MRTFA: variants seen among roughly 807,000 people sequenced by gnomAD.
The protein encoded by MRTFA is myocardin-related transcription factor A.
Under a neutral mutation model 83.5 loss-of-function variants are expected in MRTFA, and 20 were observed. The ratio of observed to expected loss-of-function variants is 0.24; its 90% confidence interval spans 0.17 to 0.35. The LOEUF is 0.35. Among genes scored for constraint, MRTFA ranks in the 10% least tolerant of loss-of-function variants. MRTFA has a pLI of 1.00. For missense variants in MRTFA, 1,200 were observed against 1,224.7 expected (o/e 0.98, Z 0.30); for synonymous variants, 659 against 541.2 (o/e 1.22, Z -3.02).
intron 4 of MRTFA, among the ~76,000 whole-genome samples, chr22:40,453,209 T>C (rs1006828382): frequency 1.3e-5 from 2 of 152,220 alleles, no homozygotes; most frequent in African/African-American, 2.4e-5. Flanking sequence ...GTTTATCAAA[T>C]GCAACTTAAA....
chr22:40,511,235 T>G (rs1339320419), intron 3 of MRTFA, among the ~76,000 whole-genome samples: 2 of 151,502 alleles, frequency 1.3e-5, no homozygotes, highest in Non-Finnish European at 2.9e-5. Flanking sequence ...AGAGGTAAAA[T>G]CTAGAGAACT....
chr22:40,526,270 T>C (rs1181807401), intron 3 of MRTFA: 3 of 152,180 alleles, frequency 2.0e-5, no homozygotes, highest in Admixed American at 1.3e-4. Flanking sequence ...TGGCTTCAAG[T>C]GATCCTCCCC....
At position 40,494,224 on chromosome 22, in the gene MRTFA, ATC is replaced by A. The variant is rs1413495882; in HGVS notation, c.242-30940_242-30939del. ...AATAAACTCAAATGCCTTTTAGTTC[ATC>A]TGACTTTAGTAATAAAGGGAGATAT... On this transcript the variant is annotated intron_variant, in intron 3 of 14. Coordinates refer to ENST00000355630, the MANE Select transcript of MRTFA (RefSeq NM_020831.6). 3.9e-5 allele frequency among the ~76,000 whole-genome samples: 6 copies of A among 152,342 alleles called. No homozygotes were observed. In the East Asian group the frequency reaches 1.2e-3, roughly 29 times the overall value.
chr22:40,565,860 A>AT (rs1358337088), intron 2 of MRTFA, among the ~76,000 whole-genome samples: 2 of 152,242 alleles, frequency 1.3e-5, no homozygotes, highest in Admixed American at 6.5e-5. Context: ...CTTATTATAA[A>AT]TGAGGCACTG....
chr22:40,418,901 C>T lies in MRTFA; in HGVS notation c.1837G>A (p.Gly613Arg), dbSNP rs149929991. ...CGCCCCTCTAGCTCCGCCCGCCCCC[C>T]AGGGCTCAGGCAACAGGACCCGGCC... The change falls in exon 12 of 15, where the codon GGG (glycine) becomes AGG (arginine). Residue 613 changes from glycine to arginine, a missense_variant. Transcript: ENST00000355630. The T allele has an allele frequency of 6.8e-6, 11 of 1,612,750 alleles. No homozygotes were observed. In the South Asian group the frequency reaches 1.1e-4, roughly 16 times the overall value.
intron 3 of MRTFA, among the ~76,000 whole-genome samples, chr22:40,546,072 A>G (rs1244111748): frequency 1.3e-5 from 2 of 152,228 alleles, no homozygotes; most frequent in African/African-American, 2.4e-5. Context: ...GAAACAGATC[A>G]AAGAAGTACA....
intron 1 of MRTFA, among the ~76,000 whole-genome samples, chr22:40,628,166 T>C (rs1569359466): frequency 6.6e-6 from 1 of 152,188 alleles, no homozygotes; most frequent in Non-Finnish European, 1.5e-5. Flanking sequence ...TTCATAATCC[T>C]TATAACGACC....
At chr22:40,631,958 G>T (rs2056646374) in intron 1 of MRTFA, among the ~76,000 whole-genome samples, 1 of 152,094 alleles carries the variant, frequency 6.6e-6, no homozygotes, top group African/African-American at 2.4e-5. Context: ...GGCCCCCAAT[G>T]ACCCTCACCT....
chr22:40,516,621 G>A (rs933744041), intron 3 of MRTFA, among the ~76,000 whole-genome samples: 2 of 151,892 alleles, frequency 1.3e-5, no homozygotes, highest in Non-Finnish European at 2.9e-5. Flanking sequence ...TAGCTACAAC[G>A]GAAAAAATGT....
chr22:40,602,359 C>A (rs960384929), intron 1 of MRTFA, among the ~76,000 whole-genome samples: 1 of 152,098 alleles, frequency 6.6e-6, no homozygotes, highest in Non-Finnish European at 1.5e-5. Context: ...GGGAGTATAG[C>A]AGGAAGAATA....
intron 1 of MRTFA, among the ~76,000 whole-genome samples, chr22:40,612,669 C>T (rs1278514204): frequency 2.6e-5 from 4 of 152,112 alleles, no homozygotes; most frequent in Non-Finnish European, 5.9e-5. Flanking sequence ...TTCCATAAGC[C>T]AGGCACAGTG....
At chr22:40,629,538 G>C (rs1167585769) in intron 1 of MRTFA, among the ~76,000 whole-genome samples, 1 of 151,802 alleles carries the variant, frequency 6.6e-6, no homozygotes, top group Non-Finnish European at 1.5e-5. Flanking sequence ...GAGGCGGATG[G>C]ATCGCCTGAG....
intron 3 of MRTFA, among the ~76,000 whole-genome samples, chr22:40,497,896 G>A (rs138175438): frequency 0.081 from 12,354 of 152,116 alleles, 777 homozygotes; most frequent in East Asian, 0.24. Flanking sequence ...CACTTTGGGA[G>A]GCCAAGGCTG....
intron 14 of MRTFA, chr22:40,415,376 T>G (rs1473728235): frequency 6.6e-6 from 1 of 152,234 alleles, no homozygotes; most frequent in Non-Finnish European, 1.5e-5. Flanking sequence ...GGCTTGAGAA[T>G]TACAGACCTC....
chr22:40,628,404 A>C (rs562156988), intron 1 of MRTFA, among the ~76,000 whole-genome samples: 1 of 152,316 alleles, frequency 6.6e-6, no homozygotes, highest in South Asian at 2.1e-4. Flanking sequence ...TTTTAATACA[A>C]GAACAATTAT....
chr22:40,495,757 C>CAAA (rs35652948), intron 3 of MRTFA, among the ~76,000 whole-genome samples: 1 of 70,644 alleles, frequency 1.4e-5, no homozygotes, highest in Admixed American at 1.7e-4. Context: ...GACTCCATCT[C>CAAA]AAAAAAAAAA....
rs1334162600 is a variant in MRTFA at position 40,502,003 on chromosome 22, C to T, written c.242-38717G>A. 1.6e-4 allele frequency among the ~76,000 whole-genome samples: 22 copies of T among 137,390 alleles called. No homozygotes were observed. The South Asian group carries it at 4.3e-3, about 27-fold the overall frequency. The allele number at this position is 137,390 out of a possible 152,430, so 90.1% of individuals were successfully genotyped here. A position where few individuals can be genotyped will look rare whatever the true frequency, so the allele number is the denominator to read the frequency against. On this transcript the variant is annotated intron_variant, in intron 3 of 14. Transcript: ENST00000355630. ...GGGGCTGACCCCCCCACCTCCCTCCCGGACGGGGCAGCTGGCCAGGCGGGG... is the reference window on the plus strand; with the variant it reads ...GGGGCTGACCCCCCCACCTCCCTCCTGGACGGGGCAGCTGGCCAGGCGGGG...
chr22:40,601,702 T>A (rs1468976646), intron 1 of MRTFA, among the ~76,000 whole-genome samples: 1 of 152,170 alleles, frequency 6.6e-6, no homozygotes, highest in Non-Finnish European at 1.5e-5. Context: ...CTTTAAAGCC[T>A]GAAGATCAGC....
At chr22:40,417,250 C>T (rs1480307101) in intron 13 of MRTFA, 91 bp downstream of exon 13, 3 of 1,523,518 alleles carry the variant, frequency 2.0e-6, no homozygotes, top group African/African-American at 1.4e-5. Flanking sequence ...CTTCGCCTGC[C>T]CCCTATTCCT....
Sources: gnomAD v4.1 joint callset for allele counts (sites outside exome capture counted in the v4.1 genomes callset) on GRCh38, gnomAD v4.1.1 for gene constraint, MANE v1.5 for transcripts, NCBI Gene and HGNC (gene_info 2026-07-23, HGNC 2026-07-21) for gene names.